The following COMMD1 variants were observed in gnomAD, a reference collection of about 807,000 sequenced individuals.
The protein encoded by COMMD1 is COMM domain-containing protein 1.
Under a neutral mutation model 17.2 loss-of-function variants are expected in COMMD1, and 10 were observed. The ratio of observed to expected loss-of-function variants is 0.58; its 90% confidence interval spans 0.36 to 0.99. The LOEUF is 0.99. Ranked by LOEUF, COMMD1 falls within the 50% of genes least tolerant of loss-of-function variation. The pLI, the probability that COMMD1 is intolerant of heterozygous loss-of-function variation, is 0.01. For missense variants in COMMD1, 270 were observed against 231.8 expected, an observed-to-expected ratio of 1.17 and a Z score of -1.07; for synonymous variants, 97 against 91.6, an observed-to-expected ratio of 1.06 and a Z score of -0.34.
At chr2:61,994,695 T>C (rs769171869) in intron 1 of COMMD1, among the ~76,000 whole-genome samples, 2 of 152,166 alleles carry the variant, frequency 1.3e-5, no homozygotes, top group Non-Finnish European at 2.9e-5. Flanking sequence ...TCTTGGGAAC[T>C]ATAAAACAGG....
At chr2:62,121,669 T>G (rs1573210113) in intron 2 of COMMD1, among the ~76,000 whole-genome samples, 1 of 142,944 alleles carries the variant, frequency 7.0e-6, no homozygotes, top group African/African-American at 2.7e-5. Flanking sequence ...ACCGGGGAGG[T>G]GGAGGTTGTA....
intron 2 of COMMD1, among the ~76,000 whole-genome samples, chr2:62,029,657 G>C (rs2103872642): frequency 6.6e-6 from 1 of 152,268 alleles, no homozygotes; most frequent in South Asian, 2.1e-4. Flanking sequence ...AAGAAAATTA[G>C]AGTTTCCTGT....
At chr2:61,888,549 T>A (rs1364053195), upstream of COMMD1, 1 of 1,594,562 alleles carries the variant, frequency 6.3e-7, no homozygotes, top group African/African-American at 1.3e-5. Context: ...GAAGGACGGA[T>A]GGACCCGGAT....
At chr2:62,113,005 C>T (rs528467270) in intron 2 of COMMD1, among the ~76,000 whole-genome samples, 41 of 151,996 alleles carry the variant, frequency 2.7e-4, no homozygotes, top group Non-Finnish European at 5.3e-4. Context: ...ATGAGTGATG[C>T]GGTGGAGTGA....
intron 1 of COMMD1, among the ~76,000 whole-genome samples, chr2:61,889,154 C>G (rs903537502): frequency 6.8e-6 from 1 of 146,028 alleles, no homozygotes; most frequent in Non-Finnish European, 1.5e-5. Flanking sequence ...CCACCCGCCT[C>G]GGGCTCCCAA....
At chr2:62,021,163 A>G (rs1273098729) in intron 2 of COMMD1, among the ~76,000 whole-genome samples, 1 of 152,206 alleles carries the variant, frequency 6.6e-6, no homozygotes, top group Non-Finnish European at 1.5e-5. Context: ...CACATCTTTT[A>G]GATCGTTTTC....
intron 2 of COMMD1, among the ~76,000 whole-genome samples, chr2:62,042,524 C>G (rs530294728): frequency 6.6e-6 from 1 of 152,142 alleles, no homozygotes; most frequent in Non-Finnish European, 1.5e-5. Flanking sequence ...CGGGCCGTGC[C>G]GAGTGCAGGG....
chr2:62,100,876 C>T (rs1402160347), intron 2 of COMMD1, among the ~76,000 whole-genome samples: 1 of 152,110 alleles, frequency 6.6e-6, no homozygotes, highest in Non-Finnish European at 1.5e-5. Context: ...GGTTTTCACC[C>T]TACAAAGGAT....
At chr2:62,000,026 G>A (rs549110771) in intron 1 of COMMD1, among the ~76,000 whole-genome samples, 3 of 148,660 alleles carry the variant, frequency 2.0e-5, no homozygotes, top group East Asian at 2.0e-4. Flanking sequence ...GGGTTCAAGC[G>A]ATTCTCCTGC....
intron 1 of COMMD1, among the ~76,000 whole-genome samples, chr2:61,985,106 G>A (rs1350255510): frequency 4.0e-5 from 6 of 149,660 alleles, no homozygotes; most frequent in East Asian, 2.0e-4. Flanking sequence ...GCTGGAGTGC[G>A]GTGGCACGAT....
At chr2:61,901,496 A>G (rs1246669686), upstream of COMMD1, among the ~76,000 whole-genome samples, 2 of 151,868 alleles carry the variant, frequency 1.3e-5, no homozygotes, top group South Asian at 4.2e-4. Context: ...GGTGGTGTGC[A>G]TATGTAATCC....
chr2:62,081,432 G>A (rs1410025231), intron 2 of COMMD1, among the ~76,000 whole-genome samples: 1 of 103,782 alleles, frequency 9.6e-6, no homozygotes, highest in African/African-American at 4.5e-5. Flanking sequence ...TGTATTTTTA[G>A]TAGAGACGGG....
intron 1 of COMMD1, among the ~76,000 whole-genome samples, chr2:61,956,178 A>T (rs949047789): frequency 6.6e-6 from 1 of 152,074 alleles, no homozygotes; most frequent in African/African-American, 2.4e-5. Context: ...TCTAATTTAT[A>T]CTCTGAATGT....
chr2:61,937,964 G>C (rs532222021), intron 1 of COMMD1, among the ~76,000 whole-genome samples: 1 of 152,080 alleles, frequency 6.6e-6, no homozygotes, highest in Non-Finnish European at 1.5e-5. Flanking sequence ...ACTCTCATGC[G>C]ACAGTCCCTG....
intron 1 of COMMD1, among the ~76,000 whole-genome samples, chr2:61,991,633 G>A (rs1416123165): frequency 6.6e-6 from 1 of 152,162 alleles, no homozygotes; most frequent in East Asian, 1.9e-4. Context: ...CTTGAACTGA[G>A]TCTTGAATGG....
chr2:62,030,009 G>A (rs979640248), intron 2 of COMMD1, among the ~76,000 whole-genome samples: 41 of 152,384 alleles, frequency 2.7e-4, no homozygotes, highest in African/African-American at 9.9e-4. Context: ...GTCCAGCAAA[G>A]TATGGACAGC....
chr2:61,988,820 C>T (rs919461079), intron 1 of COMMD1, among the ~76,000 whole-genome samples: 1 of 152,120 alleles, frequency 6.6e-6, no homozygotes, highest in Non-Finnish European at 1.5e-5. Context: ...TGAGGCTTGC[C>T]GAACTCAAGT....
At chr2:61,998,567 G>C (rs1668835160) in intron 1 of COMMD1, among the ~76,000 whole-genome samples, 1 of 152,108 alleles carries the variant, frequency 6.6e-6, no homozygotes, top group South Asian at 2.1e-4. Context: ...GCTGTGTTTT[G>C]CTTTCTTGTC....
At chr2:62,046,316 C>G (rs1042323222) in intron 2 of COMMD1, among the ~76,000 whole-genome samples, 2 of 152,164 alleles carry the variant, frequency 1.3e-5, no homozygotes, top group Admixed American at 1.3e-4. Context: ...TTTGGTCTGG[C>G]TATGGATAAG....
Sources: gnomAD v4.1 joint callset for allele counts (sites outside exome capture counted in the v4.1 genomes callset) on GRCh38, gnomAD v4.1.1 for gene constraint, MANE v1.5 for transcripts, NCBI Gene and HGNC (gene_info 2026-07-23, HGNC 2026-07-21) for gene names.